RAB21: variants seen among roughly 807,000 people sequenced by gnomAD.
The protein encoded by RAB21 is ras-related protein Rab-21.
Under a neutral mutation model 33.1 loss-of-function variants are expected in RAB21, and 13 were observed. That is an observed-to-expected ratio of 0.39 (90% CI 0.26 to 0.62). RAB21 has a LOEUF of 0.62. Among genes scored for constraint, RAB21 ranks in the 20% least tolerant of loss-of-function variants. RAB21 has a pLI of 0.48. For synonymous variants in RAB21, 91 were observed against 103.7 expected, an observed-to-expected ratio of 0.88 and a Z score of 0.74; for missense variants, 234 against 279.1, an observed-to-expected ratio of 0.84 and a Z score of 1.15.
At chr12:71,776,320 A>G (rs190413147) in intron 4 of RAB21, among the ~76,000 whole-genome samples, 12 of 152,290 alleles carry the variant, frequency 7.9e-5, no homozygotes, top group African/African-American at 2.4e-4. Flanking sequence ...TTAATGTTCA[A>G]TGAAGTACCT....
intron 1 of RAB21, among the ~76,000 whole-genome samples, chr12:71,764,297 C>G (rs1010962009): frequency 1.3e-5 from 2 of 151,990 alleles, no homozygotes; most frequent in African/African-American, 4.8e-5. Flanking sequence ...TACTTCTCCC[C>G]CCTCAGTACC....
chr12:71,773,179 T>G (rs1192718293), intron 3 of RAB21, among the ~76,000 whole-genome samples: 2 of 152,246 alleles, frequency 1.3e-5, no homozygotes, highest in Non-Finnish European at 2.9e-5. Flanking sequence ...ATTCATCTAC[T>G]TAATTCCAGT....
chr12:71,783,904 CTAAG>C (rs1883240861), intron 6 of RAB21, among the ~76,000 whole-genome samples: 1 of 150,316 alleles, frequency 6.7e-6, no homozygotes, highest in South Asian at 2.1e-4. Context: ...TAACAATGCA[CTAAG>C]TCAGTGGCTT....
intron 1 of RAB21, among the ~76,000 whole-genome samples, chr12:71,757,642 C>T (rs1486957989): frequency 6.6e-6 from 1 of 152,154 alleles, no homozygotes; most frequent in Non-Finnish European, 1.5e-5. Context: ...TTCAGAGATA[C>T]CAGTTAACCT....
At position 71,787,137 on chromosome 12, in the gene RAB21, A is replaced by G. The variant is rs1052409862; in HGVS notation, c.*1464A>G. On this transcript the variant is annotated 3_prime_UTR_variant, in exon 7 of 7. Transcript: ENST00000261263. The stretch of plus-strand genomic sequence containing the variant: ...ACAGAATGTTCTGTTTCATTTTACA[A>G]GAACTATCCTGAGTTTCTGTGGATG... The G allele has an allele frequency of 1.3e-5, 2 of 152,220 alleles. No individual in the cohort carries two copies. Among genetic ancestry groups the G allele is most frequent in the Non-Finnish European group, 2.9e-5 (2 of 68,038 alleles). 9.4% of individuals were successfully genotyped at this position (152,220 alleles called of 1,614,324 possible). A position where few individuals can be genotyped will look rare whatever the true frequency, so the allele number is the denominator to read the frequency against.
At chr12:71,757,178 C>T (rs912142000) in intron 1 of RAB21, among the ~76,000 whole-genome samples, 4 of 152,060 alleles carry the variant, frequency 2.6e-5, no homozygotes, top group Non-Finnish European at 5.9e-5. Flanking sequence ...CAGCAATTTC[C>T]ACTCACTGCA....
Position 71,782,432 on chromosome 12 carries a change from T to C in RAB21, c.447-138T>C, listed in dbSNP as rs555271266. ...AAAATTTGATTTAATGTATAGAGAATTTAAATAGCTATATAAACTTAATTT... is the reference window on the plus strand; with the variant it reads ...AAAATTTGATTTAATGTATAGAGAACTTAAATAGCTATATAAACTTAATTT... On this transcript the variant is annotated intron_variant, in intron 5 of 6. Transcript: ENST00000261263. The C allele has an allele frequency of 1.8e-3, 1,031 of 572,922 alleles. 12 individuals are homozygous for C. Among genetic ancestry groups the C allele is most frequent in the African/African-American group, 0.018 (935 of 52,766 alleles). 35.5% of individuals were successfully genotyped at this position (572,922 alleles called of 1,614,324 possible).
At chr12:71,765,630 A>C (rs950039940) in intron 1 of RAB21, among the ~76,000 whole-genome samples, 5 of 152,130 alleles carry the variant, frequency 3.3e-5, no homozygotes, top group Admixed American at 3.3e-4. Flanking sequence ...ATTTTTGTAT[A>C]AGGTGAGAGA....
At chr12:71,776,226 C>G (rs1431127629) in intron 4 of RAB21, among the ~76,000 whole-genome samples, 1 of 152,120 alleles carries the variant, frequency 6.6e-6, no homozygotes, top group African/African-American at 2.4e-5. Flanking sequence ...GAGCTTGTTA[C>G]TTGACCAAGG....
Position 71,770,581 on chromosome 12 carries a change from G to C in RAB21, c.220-11G>C. 1 of 1,540,086 alleles carries C rather than the reference G, an allele frequency of 6.5e-7. No individual in the cohort carries two copies. On this transcript the variant is annotated splice_polypyrimidine_tract_variant and intron_variant, in intron 2 of 6. Transcript: ENST00000261263. ...TCTTCTGATCTAATAAGCATTTGTT[G>C]CTTTCTTTAGGATACGGCAGGTCAA...
At chr12:71,776,620 G>A (rs1264233523) in intron 4 of RAB21, among the ~76,000 whole-genome samples, 2 of 151,450 alleles carry the variant, frequency 1.3e-5, no homozygotes, top group Non-Finnish European at 2.9e-5. Flanking sequence ...GTTGACAAGT[G>A]TGACATGGAA....
At chr12:71,769,999 G>C (rs1412321569) in intron 2 of RAB21, 140 bp downstream of exon 2, 1 of 420,572 alleles carries the variant, frequency 2.4e-6, no homozygotes, top group Non-Finnish European at 4.1e-6. Flanking sequence ...ATTATATCTG[G>C]AATATAATTG....
In RAB21 at chr12:71,793,483, C is replaced by G. The variant is rs2137666651; in HGVS notation, c.*7810C>G. The G allele has an allele frequency of 6.6e-6, 1 of 152,280 alleles. No homozygotes were observed. The highest frequency in any genetic ancestry group is 2.1e-4 in the South Asian group (1 of 4,826). The allele number at this position is 152,280 out of a possible 1,614,324, so 9.4% of individuals were successfully genotyped here. A position where few individuals can be genotyped will look rare whatever the true frequency, so the allele number is the denominator to read the frequency against. On this transcript the variant is annotated 3_prime_UTR_variant, in exon 7 of 7. Transcript: ENST00000261263. ...AATAAAGTTAAATCATCTAGTCCTC[C>G]TGGCCCTTCTGGTTAGAAAATAGAG...
Position 71,782,044 on chromosome 12 carries a change from C to T in RAB21, c.405C>T (p.Asp135=), listed in dbSNP as rs1883208110. The part of the protein sequence containing the change: ...ICLCIVGNKI[D]LEKERHVSIQ... Reference sequence around the variant, plus strand: ...TTTTCAAAATAGGTAATAAAATAGACTTGGAAAAGGAGAGACATGTTTCCA... The same window carrying T: ...TTTTCAAAATAGGTAATAAAATAGATTTGGAAAAGGAGAGACATGTTTCCA... Residue 135 remains aspartate (D), a synonymous_variant, in exon 5 of 7, where the codon GAC becomes GAT. Coordinates refer to ENST00000261263, the MANE Select transcript of RAB21 (RefSeq NM_014999.4). 3 of 1,604,570 alleles carry T rather than the reference C, an allele frequency of 1.9e-6. No individual in the cohort carries two copies. Among genetic ancestry groups the T allele is most frequent in the Admixed American group, 1.7e-5 (1 of 59,918 alleles).
At chr12:71,763,953 T>A (rs1044629198) in intron 1 of RAB21, among the ~76,000 whole-genome samples, 41 of 152,018 alleles carry the variant, frequency 2.7e-4, no homozygotes, top group African/African-American at 7.7e-4. Context: ...CTGTATTTTT[T>A]AAAAAAAATC....
intron 4 of RAB21, among the ~76,000 whole-genome samples, chr12:71,776,298 GT>G (rs1234338319): frequency 6.6e-6 from 1 of 151,920 alleles, no homozygotes; most frequent in Non-Finnish European, 1.5e-5. Context: ...TTTAAAGTGT[GT>G]TTGTTTTTTT....
chr12:71,773,845 T>G, intron 3 of RAB21, 114 bp from the exon 4 acceptor site: 1 of 688,530 alleles, frequency 1.5e-6, no homozygotes, highest in South Asian at 1.8e-5. Context: ...AATAACTAAA[T>G]AATATAGACT....
In RAB21 at chr12:71,770,355, A is replaced by G. The variant is rs565516244; in HGVS notation, c.220-237A>G. ...TAATGGGGGTGGGGAAGTGCTGAGG[A>G]GGAGGAAGGTTGGGAGGGAAAAAGT... On this transcript the variant is annotated intron_variant, in intron 2 of 6. Coordinates refer to ENST00000261263, the MANE Select transcript of RAB21 (RefSeq NM_014999.4). Among the ~76,000 whole-genome samples, 28 of 152,284 alleles carry G rather than the reference A, an allele frequency of 1.8e-4. No individual in the cohort carries two copies. The South Asian group carries it at 5.2e-3, about 28-fold the overall frequency.
In RAB21 at chr12:71,794,529, C is replaced by G. The variant is rs998800725; in HGVS notation, c.*8856C>G. ...TCGGCTCACTGCAAGCTCCGGCTCC[C>G]GAGTTCACACCATTCTCCTGCCTCA... On this transcript the variant is annotated 3_prime_UTR_variant, in exon 7 of 7. Transcript: ENST00000261263. 1.5e-5 allele frequency: 2 copies of G among 135,504 alleles called. No individual in the cohort carries two copies. The highest frequency in any genetic ancestry group is 3.1e-5 in the Non-Finnish European group (2 of 64,516). 8.4% of individuals were successfully genotyped at this position (135,504 alleles called of 1,614,324 possible).
Sources: gnomAD v4.1 joint callset for allele counts (sites outside exome capture counted in the v4.1 genomes callset) on GRCh38, gnomAD v4.1.1 for gene constraint, MANE v1.5 for transcripts, NCBI Gene and HGNC (gene_info 2026-07-23, HGNC 2026-07-21) for gene names.